The following ACYP2 variants were observed in gnomAD, a reference collection of about 807,000 sequenced individuals.
ACYP2 encodes acylphosphatase-2.
Under a neutral mutation model 11.2 loss-of-function variants are expected in ACYP2, and 12 were observed. The observed-to-expected ratio is 1.08, with a 90% CI of 0.69 to 1.74. The LOEUF is 1.74. Ranked by LOEUF, ACYP2 falls within the 40% of genes most tolerant of loss-of-function variation. The pLI is 0.00. For synonymous variants in ACYP2, 43 were observed against 32.2 expected (o/e 1.33, Z -1.13); for missense variants, 134 against 101.9 (o/e 1.31, Z -1.35).
chr2:54,064,586 T>C (rs766828748), intron 4 of ACYP2, among the ~76,000 whole-genome samples: 1 of 152,226 alleles, frequency 6.6e-6, no homozygotes, highest in African/African-American at 2.4e-5. Context: ...TTTTAGTAAC[T>C]AAGAGCCCTG....
chr2:54,209,347 A>T (rs1685228624), intron 6 of ACYP2, among the ~76,000 whole-genome samples: 1 of 152,164 alleles, frequency 6.6e-6, no homozygotes, highest in African/African-American at 2.4e-5. Flanking sequence ...TCTCTGGAAA[A>T]TTTGAATACC....
intron 6 of ACYP2, among the ~76,000 whole-genome samples, chr2:54,209,872 G>A (rs1224352280): frequency 6.6e-6 from 1 of 152,116 alleles, no homozygotes; most frequent in Admixed American, 6.5e-5. Context: ...CCGGCGCAGT[G>A]GCTCACACCT....
At chr2:53,974,827 G>C (rs1043221344) in intron 2 of ACYP2, among the ~76,000 whole-genome samples, 1 of 152,202 alleles carries the variant, frequency 6.6e-6, no homozygotes, top group Non-Finnish European at 1.5e-5. Flanking sequence ...AGATAATTGA[G>C]TTGAGAATAT....
chr2:54,118,123 G>A (rs1275935223), intron 4 of ACYP2, among the ~76,000 whole-genome samples: 1 of 152,220 alleles, frequency 6.6e-6, no homozygotes, highest in African/African-American at 2.4e-5. Flanking sequence ...TCTCAGGTCA[G>A]TTTTAGGAAG....
rs56184420 is a variant in ACYP2, at chr2:54,029,399, C to T, written c.63-21559C>T. Among the ~76,000 whole-genome samples, 6 of 151,174 alleles carry T rather than the reference C, an allele frequency of 4.0e-5. No individual in the cohort carries two copies. In the East Asian group the frequency reaches 9.8e-4, roughly 25 times the overall value. ...CTTACATTTTATTACTTTTTTTTTC[C>T]GTCCAGAGGTCATATATATACATAT... On this transcript the variant is annotated intron_variant, in intron 2 of 6. Transcript: ENST00000607452.
chr2:54,115,505 G>A (rs1170665082), intron 4 of ACYP2, 110 bp from the exon 1 acceptor site: 3 of 1,436,078 alleles, frequency 2.1e-6, no homozygotes, highest in South Asian at 1.4e-5. Context: ...TGGCGTCCCC[G>A]GCTGCCCTCG....
intron 4 of ACYP2, among the ~76,000 whole-genome samples, chr2:54,087,274 G>A (rs958859246): frequency 2.0e-5 from 3 of 152,208 alleles, no homozygotes; most frequent in African/African-American, 4.8e-5. Context: ...AGAAATTAAA[G>A]TGTACATTTG....
intron 6 of ACYP2, among the ~76,000 whole-genome samples, chr2:54,257,191 C>T (rs1687595572): frequency 6.6e-6 from 1 of 152,060 alleles, no homozygotes; most frequent in African/African-American, 2.4e-5. Context: ...CTGGGCAACA[C>T]AGCAAGACCC....
At chr2:54,156,729 G>A (rs1572866255) in intron 6 of ACYP2, among the ~76,000 whole-genome samples, 1 of 152,070 alleles carries the variant, frequency 6.6e-6, no homozygotes, top group African/African-American at 2.4e-5. Flanking sequence ...GCAGGGGTAT[G>A]ATCTCGGCTC....
chr2:54,134,822 C>A (rs1681127235), intron 4 of ACYP2, among the ~76,000 whole-genome samples: 1 of 152,090 alleles, frequency 6.6e-6, no homozygotes, highest in African/African-American at 2.4e-5. Flanking sequence ...AGTGTAGAAC[C>A]CTCGATATGC....
At chr2:54,255,947 G>A in intron 6 of ACYP2, 4 of 1,614,092 alleles carry the variant, frequency 2.5e-6, no homozygotes, top group Non-Finnish European at 3.4e-6. Context: ...TGGAAAGTAT[G>A]GCCACCATCT....
intron 2 of ACYP2, among the ~76,000 whole-genome samples, chr2:53,997,352 C>A (rs575356400): frequency 5.3e-5 from 8 of 152,138 alleles, no homozygotes; most frequent in Admixed American, 1.3e-4. Context: ...GCTGCCCAGG[C>A]TGGAGTGCAG....
intron 6 of ACYP2, among the ~76,000 whole-genome samples, chr2:54,164,672 C>T (rs887535298): frequency 1.3e-5 from 2 of 152,120 alleles, no homozygotes; most frequent in African/African-American, 4.8e-5. Flanking sequence ...TGAGGTGCCT[C>T]TTGTGGCAAA....
At chr2:54,255,010 T>TA in intron 6 of ACYP2, 4 of 1,614,066 alleles carry the variant, frequency 2.5e-6, no homozygotes, top group Non-Finnish European at 3.4e-6. Flanking sequence ...ACCCAACAGG[T>TA]AGTACTGCAG....
chr2:54,286,971 A>T (rs1428011807), intron 6 of ACYP2, among the ~76,000 whole-genome samples: 2 of 152,106 alleles, frequency 1.3e-5, no homozygotes, highest in African/African-American at 4.8e-5. Context: ...ATACTATCAC[A>T]TAATTATTTA....
intron 2 of ACYP2, among the ~76,000 whole-genome samples, chr2:54,042,421 A>G (rs887747158): frequency 6.6e-6 from 1 of 152,194 alleles, no homozygotes; most frequent in Non-Finnish European, 1.5e-5. Flanking sequence ...AGCAAATCTT[A>G]TATCATAGGT....
chr2:54,156,278 A>G (rs922152051), intron 6 of ACYP2, among the ~76,000 whole-genome samples: 1 of 152,202 alleles, frequency 6.6e-6, no homozygotes, highest in African/African-American at 2.4e-5. Context: ...ATTTTATTTA[A>G]GTTCCAGGAT....
At chr2:54,126,545 A>C (rs1050472513) in intron 4 of ACYP2, among the ~76,000 whole-genome samples, 2 of 151,144 alleles carry the variant, frequency 1.3e-5, no homozygotes, top group Non-Finnish European at 2.9e-5. Flanking sequence ...TTTTACATAC[A>C]TACACAATAC....
chr2:54,198,826 G>T (rs1402208309), intron 6 of ACYP2, among the ~76,000 whole-genome samples: 1 of 152,074 alleles, frequency 6.6e-6, no homozygotes, highest in Admixed American at 6.5e-5. Context: ...TATGTACTTT[G>T]TTCTTACCAG....
Sources: allele counts gnomAD v4.1 joint callset (sites outside exome capture counted in the v4.1 genomes callset), GRCh38; gene constraint gnomAD v4.1.1; transcripts MANE v1.5; gene names NCBI Gene and HGNC (gene_info 2026-07-23, HGNC 2026-07-21).